Variants in BAZ2B observed in about 807,000 individuals in gnomAD.
BAZ2B encodes bromodomain adjacent to zinc finger domain 2B.
Under a neutral mutation model 246.0 loss-of-function variants are expected in BAZ2B, and 91 were observed. The ratio of observed to expected loss-of-function variants is 0.37; its 90% confidence interval spans 0.31 to 0.44. BAZ2B has a LOEUF of 0.44. Ranked by LOEUF, BAZ2B falls within the 20% of genes least tolerant of loss-of-function variation. The pLI is 1.00. For synonymous variants in BAZ2B, 855 were observed against 860.0 expected (o/e 0.99, Z 0.10); for missense variants, 2,332 against 2,533.7 (o/e 0.92, Z 1.71).
intron 27 of BAZ2B, among the ~76,000 whole-genome samples, chr2:159,362,501 G>T (rs1358725756): frequency 6.6e-6 from 1 of 152,162 alleles, no homozygotes; most frequent in African/African-American, 2.4e-5. Context: ...TGGAGGCTGG[G>T]AATCCTGTGT....
At chr2:159,498,089 C>A (rs1299347205) in intron 2 of BAZ2B, among the ~76,000 whole-genome samples, 2 of 152,166 alleles carry the variant, frequency 1.3e-5, no homozygotes, top group Non-Finnish European at 2.9e-5. Context: ...ATTCAGCACA[C>A]AACTAGTATG....
At chr2:159,526,376 G>T (rs1379556172) in intron 2 of BAZ2B, among the ~76,000 whole-genome samples, 1 of 152,056 alleles carries the variant, frequency 6.6e-6, no homozygotes, top group Admixed American at 6.6e-5. Flanking sequence ...ACCCAGAAAA[G>T]TTCCCATACA....
At chr2:159,633,738 CTTTTTTTTTTT>C in the BAZ2B span, among the ~76,000 whole-genome samples, 1 of 120,284 alleles carries the variant, frequency 8.3e-6, no homozygotes, top group Non-Finnish European at 1.7e-5. Flanking sequence ...TCACTTTATT[CTTTTTTTTTTT>C]TTTTTTTTTA....
At chr2:159,497,182 C>T (rs778968753) in intron 2 of BAZ2B, among the ~76,000 whole-genome samples, 4 of 152,002 alleles carry the variant, frequency 2.6e-5, no homozygotes, top group Non-Finnish European at 4.4e-5. Context: ...TCACTAAATT[C>T]GGAGTAGTGA....
At chr2:159,467,173 T>C (rs2077166696) in intron 3 of BAZ2B, among the ~76,000 whole-genome samples, 1 of 152,130 alleles carries the variant, frequency 6.6e-6, no homozygotes, top group Non-Finnish European at 1.5e-5. Flanking sequence ...ATGAGAACAG[T>C]GCCAGACAAA....
At chr2:159,636,014 G>A in the BAZ2B span, among the ~76,000 whole-genome samples, 3 of 152,206 alleles carry the variant, frequency 2.0e-5, no homozygotes, top group East Asian at 5.8e-4. Context: ...CCATGTTCAT[G>A]CCACTGCACT....
At chr2:159,703,463 A>G in the BAZ2B span, among the ~76,000 whole-genome samples, 2 of 136,506 alleles carry the variant, frequency 1.5e-5, no homozygotes, top group Admixed American at 1.6e-4. Flanking sequence ...AATGGACTTT[A>G]AAACAATGAA....
intron 27 of BAZ2B, among the ~76,000 whole-genome samples, chr2:159,352,241 T>C (rs1263054161): frequency 3.3e-5 from 5 of 152,212 alleles, no homozygotes; most frequent in Non-Finnish European, 4.4e-5. Context: ...CATGGGATAC[T>C]GTTTTGTTGA....
At chr2:159,396,110 T>G (rs2149678467) in intron 19 of BAZ2B, 1 of 251,138 alleles carries the variant, frequency 4.0e-6, no homozygotes, top group South Asian at 9.3e-5. Flanking sequence ...TTACTTATGG[T>G]CAGTTGTGAT....
At chr2:159,385,546 T>C (rs770678131) in intron 22 of BAZ2B, among the ~76,000 whole-genome samples, 177 bp from the exon 23 acceptor site, 7 of 152,012 alleles carry the variant, frequency 4.6e-5, no homozygotes, top group Non-Finnish European at 8.8e-5. Flanking sequence ...AATATTCAAG[T>C]ATTTGTTTCT....
the BAZ2B span, among the ~76,000 whole-genome samples, chr2:159,698,520 A>AC: frequency 7.5e-5 from 11 of 146,506 alleles, no homozygotes; most frequent in Admixed American, 1.3e-4. Flanking sequence ...TCCCACAAAA[A>AC]AAAAAAAACA....
the BAZ2B span, among the ~76,000 whole-genome samples, chr2:159,676,922 T>C: frequency 0.1 from 11,086 of 106,160 alleles, 971 homozygotes; most frequent in African/African-American, 0.27. Context: ...ATAAGTGTTA[T>C]AATTTTTAAA....
chr2:159,363,410 TG>T (rs2059917265), intron 27 of BAZ2B, among the ~76,000 whole-genome samples: 1 of 152,218 alleles, frequency 6.6e-6, no homozygotes, highest in South Asian at 2.1e-4. Context: ...CAGAGAATGT[TG>T]GATGACCGAA....
rs1007651068 is a variant in BAZ2B, at chr2:159,406,130, A to T, written c.2678-1016T>A. Among the ~76,000 whole-genome samples the T allele has an allele frequency of 2.0e-5, 3 of 152,324 alleles. No individual in the cohort carries two copies. The South Asian group carries it at 6.2e-4, about 32-fold the overall frequency. ...TGGAGCAATTCCCATCAAGAGGTGG[A>T]ATATATTTTCCCGTCCCTTGATTCT... On this transcript the variant is annotated intron_variant, in intron 14 of 36. Transcript: ENST00000392783.
At chr2:159,498,242 T>A (rs895636362) in intron 2 of BAZ2B, among the ~76,000 whole-genome samples, 31 of 152,190 alleles carry the variant, frequency 2.0e-4, no homozygotes, top group Non-Finnish European at 3.8e-4. Context: ...GAAGAAAATA[T>A]TTTCTTTAAA....
At chr2:159,324,977 T>A in intron 35 of BAZ2B, 23 bp from the exon 36 acceptor site, 1 of 1,475,518 alleles carries the variant, frequency 6.8e-7, no homozygotes, top group African/African-American at 1.6e-5. Flanking sequence ...ATGTTTGAAA[T>A]CAGTATCCAT....
chr2:159,322,284 TA>T (rs2062808157), intron 36 of BAZ2B, among the ~76,000 whole-genome samples: 1 of 152,208 alleles, frequency 6.6e-6, no homozygotes, highest in Non-Finnish European at 1.5e-5. Context: ...GAAATTCACA[TA>T]AAATTAACCA....
At chr2:159,662,149 C>A in the BAZ2B span, among the ~76,000 whole-genome samples, 2 of 152,220 alleles carry the variant, frequency 1.3e-5, no homozygotes, top group Non-Finnish European at 2.9e-5. Flanking sequence ...CAAGGCTCAT[C>A]TGCACTGTAG....
At chr2:159,654,249 C>A in the BAZ2B span, among the ~76,000 whole-genome samples, 1 of 152,178 alleles carries the variant, frequency 6.6e-6, no homozygotes, top group African/African-American at 2.4e-5. Context: ...AAAGATTCCA[C>A]CATAGCCTCT....
Sources: allele counts gnomAD v4.1 joint callset (sites outside exome capture counted in the v4.1 genomes callset), GRCh38; gene constraint gnomAD v4.1.1; transcripts MANE v1.5; gene names NCBI Gene and HGNC (gene_info 2026-07-23, HGNC 2026-07-21).